SLC16A7: variants seen among roughly 807,000 people sequenced by gnomAD.
SLC16A7 encodes the protein solute carrier family 16 member 7.
Under a neutral mutation model 34.9 loss-of-function variants are expected in SLC16A7, and 33 were observed. The observed-to-expected ratio is 0.94, with a 90% CI of 0.72 to 1.26. SLC16A7 has a LOEUF of 1.26. SLC16A7 is among the 50% of genes most tolerant of loss of function. SLC16A7 has a pLI of 0.00. For synonymous variants in SLC16A7, 201 were observed against 206.6 expected (o/e 0.97, Z 0.23); for missense variants, 573 against 578.1 (o/e 0.99, Z 0.09).
intron 2 of SLC16A7, among the ~76,000 whole-genome samples, chr12:59,660,013 A>C (rs1161285731): frequency 6.6e-6 from 1 of 151,828 alleles, no homozygotes; most frequent in Admixed American, 6.6e-5. Context: ...GTCTTACCCA[A>C]CTCTTCTAAT....
At chr12:59,756,393 C>T (rs1880346759) in intron 3 of SLC16A7, among the ~76,000 whole-genome samples, 1 of 151,984 alleles carries the variant, frequency 6.6e-6, no homozygotes, top group Non-Finnish European at 1.5e-5. Flanking sequence ...CTACAATGAA[C>T]TCAAACAAAT....
At chr12:59,624,693 A>G (rs1375484676) in intron 1 of SLC16A7, among the ~76,000 whole-genome samples, 2 of 151,318 alleles carry the variant, frequency 1.3e-5, no homozygotes, top group South Asian at 2.1e-4. Context: ...GTTCCCCACT[A>G]TTAGCACCAA....
At chr12:59,706,290 T>C (rs1026081101) in intron 3 of SLC16A7, among the ~76,000 whole-genome samples, 9 of 152,124 alleles carry the variant, frequency 5.9e-5, no homozygotes, top group African/African-American at 2.2e-4. Context: ...TTCAGTGACA[T>C]AATAATTATT....
At chr12:59,683,053 T>C (rs113605324) in intron 2 of SLC16A7, among the ~76,000 whole-genome samples, 10,829 of 151,226 alleles carry the variant, frequency 0.072, 432 homozygotes, top group Middle Eastern at 0.17. Flanking sequence ...GCAACAAGAG[T>C]GAAACTCTGT....
chr12:59,746,074 T>C lies in SLC16A7; in HGVS notation c.218-25145T>C, dbSNP rs148624456. Among the ~76,000 whole-genome samples, 287 of 152,344 alleles carry C rather than the reference T, an allele frequency of 1.9e-3. 1 individual carries two copies. The highest frequency in any genetic ancestry group is 6.2e-3 in the African/African-American group (256 of 41,582). On this transcript the variant is annotated intron_variant, in intron 3 of 5. Coordinates refer to ENST00000547379, the MANE Select transcript of SLC16A7 (RefSeq NM_001270623.2). ...AAAAGGAGAACCATAATCAATAATATGCTTTTTGAAAGATCACTCTTGGTT... is the reference window on the plus strand; with the variant it reads ...AAAAGGAGAACCATAATCAATAATACGCTTTTTGAAAGATCACTCTTGGTT...
intron 1 of SLC16A7, among the ~76,000 whole-genome samples, chr12:59,622,033 T>C (rs544413097): frequency 6.6e-6 from 1 of 151,994 alleles, no homozygotes; most frequent in South Asian, 2.1e-4. Flanking sequence ...TGTCAACTTC[T>C]ACACTCAGAG....
At chr12:59,767,362 G>A (rs761112393) in intron 3 of SLC16A7, among the ~76,000 whole-genome samples, 2 of 152,008 alleles carry the variant, frequency 1.3e-5, no homozygotes, top group Non-Finnish European at 2.9e-5. Context: ...TGATGAAATA[G>A]CCTTCTATTG....
Position 59,779,477 on chromosome 12 carries a change from C to T in SLC16A7, c.1235C>T (p.Ala412Val), listed in dbSNP as rs1449490938. Residue 412 changes from alanine (A) to valine (V), a missense_variant, in exon 6 of 6, where the codon GCT becomes GTT. Coordinates refer to ENST00000547379, the MANE Select transcript of SLC16A7 (RefSeq NM_001270623.2). Reference sequence around the variant, plus strand: ...AAATACATGTACATGTCCTGTGGGGCTATTGTGGTAGCAGCAAGCGTGTGG... The same window carrying T: ...AAATACATGTACATGTCCTGTGGGGTTATTGTGGTAGCAGCAAGCGTGTGG... ...EYKYMYMSCG[A>V]IVVAASVWLL... 6.2e-7 allele frequency: 1 copy of T among 1,611,038 alleles called. No individual in the cohort carries two copies. Among genetic ancestry groups the T allele is most frequent in the Non-Finnish European group, 8.5e-7 (1 of 1,177,596 alleles).
chr12:59,668,968 T>G (rs1223096031), intron 2 of SLC16A7, among the ~76,000 whole-genome samples: 1 of 152,204 alleles, frequency 6.6e-6, no homozygotes, highest in East Asian at 1.9e-4. Context: ...TTGGTCCTCC[T>G]TTGCCTTCTG....
chr12:59,775,287 GC>G lies in SLC16A7; in HGVS notation c.995del (p.Pro332HisfsTer68), dbSNP rs1392178397. ...TTCAATGGAGTGTGTCACCTCTTGT[GC>G]CCACTGGCACAGGACTACACAAGCC... ...IMFNGVCHLLCPLAQDYTSLV... is the reference protein window; with the variant it reads ...IMFNGVCHLLXPLAQDYTSLV... On this transcript the variant is annotated frameshift_variant, in exon 5 of 6. Transcript: ENST00000547379. LOFTEE classifies it high-confidence loss of function. 7 of 1,613,966 alleles carry G rather than the reference GC, an allele frequency of 4.3e-6. No individual in the cohort carries two copies. The highest frequency in any genetic ancestry group is 5.1e-6 in the Non-Finnish European group (6 of 1,179,998).
Position 59,785,380 on chromosome 12 carries a change from T to C in SLC16A7, c.*5701T>C, listed in dbSNP as rs899836078. ...GCAAATCAGGGAAGAATTGCTGTAG[T>C]ATTGAGAATGGTCATTTTAAAAGTC... is the stretch of plus-strand genomic sequence containing the variant. On this transcript the variant is annotated 3_prime_UTR_variant, in exon 6 of 6. Coordinates refer to ENST00000547379, the MANE Select transcript of SLC16A7 (RefSeq NM_001270623.2). 1.3e-5 allele frequency: 2 copies of C among 152,126 alleles called. No homozygotes were observed. Among genetic ancestry groups the C allele is most frequent in the African/African-American group, 4.8e-5 (2 of 41,430 alleles). The allele number at this position is 152,126 out of a possible 1,614,324, so 9.4% of individuals were successfully genotyped here.
chr12:59,779,176 T>C (rs1883040096), intron 5 of SLC16A7, among the ~76,000 whole-genome samples: 1 of 152,114 alleles, frequency 6.6e-6, no homozygotes, highest in South Asian at 2.1e-4. Context: ...TTGTCTTGTT[T>C]GTATATTTTA....
At chr12:59,765,662 T>G (rs150145688) in intron 3 of SLC16A7, among the ~76,000 whole-genome samples, 11,801 of 152,258 alleles carry the variant, frequency 0.078, 548 homozygotes, top group Middle Eastern at 0.17. Context: ...GCATTATTTC[T>G]GAGGGCTCTG....
At chr12:59,610,396 TG>T (rs1441118595) in intron 1 of SLC16A7, among the ~76,000 whole-genome samples, 3 of 152,358 alleles carry the variant, frequency 2.0e-5, no homozygotes, top group South Asian at 2.1e-4. Context: ...TTGGGATTGA[TG>T]CTAGTATCAA....
rs774435224 is a variant in SLC16A7, at chr12:59,735,959, A to G, written c.217+30941A>G. ...AAAGGAGAAGCGGAATGCATCATTCACCCTTTAAAGAGATCACCATCTACT... is the reference window on the plus strand; with the variant it reads ...AAAGGAGAAGCGGAATGCATCATTCGCCCTTTAAAGAGATCACCATCTACT... On this transcript the variant is annotated intron_variant, in intron 3 of 5. Transcript: ENST00000547379. 6.5e-6 allele frequency: 8 copies of G among 1,225,208 alleles called. No individual in the cohort carries two copies. In the South Asian group the frequency reaches 1.1e-4, roughly 16 times the overall value. 75.9% of individuals were successfully genotyped at this position (1,225,208 alleles called of 1,614,324 possible).
chr12:59,597,820 C>G (rs1878495036), intron 1 of SLC16A7, among the ~76,000 whole-genome samples: 1 of 152,288 alleles, frequency 6.6e-6, no homozygotes, highest in East Asian at 1.9e-4. Flanking sequence ...AACTCAGAAA[C>G]TATTTTTTGC....
chr12:59,721,150 C>A (rs371669322), intron 3 of SLC16A7, among the ~76,000 whole-genome samples: 2 of 151,936 alleles, frequency 1.3e-5, no homozygotes, highest in Non-Finnish European at 2.9e-5. Context: ...CTCTCTCTCT[C>A]GCTATATGAG....
At chr12:59,658,883 G>C (rs1303501463) in intron 2 of SLC16A7, among the ~76,000 whole-genome samples, 1 of 152,004 alleles carries the variant, frequency 6.6e-6, no homozygotes, top group African/African-American at 2.4e-5. Flanking sequence ...TGAATTGAGA[G>C]TTTCTGATAT....
intron 1 of SLC16A7, among the ~76,000 whole-genome samples, chr12:59,608,853 G>T (rs190028894): frequency 6.6e-6 from 1 of 151,964 alleles, no homozygotes; most frequent in African/African-American, 2.4e-5. Flanking sequence ...AATAAAGGTG[G>T]GGAAGAAACA....
Sources: allele counts gnomAD v4.1 joint callset (sites outside exome capture counted in the v4.1 genomes callset), GRCh38; gene constraint gnomAD v4.1.1; transcripts MANE v1.5; gene names NCBI Gene and HGNC (gene_info 2026-07-23, HGNC 2026-07-21).